The following CCDC33 variants were observed in gnomAD, a reference collection of about 807,000 sequenced individuals.
The protein encoded by CCDC33 is coiled-coil domain containing 33, also known as coiled-coil domain-containing protein 33.
In CCDC33, 94 loss-of-function variants were observed where a neutral mutation model predicts 91.9. The ratio of observed to expected loss-of-function variants is 1.02; its 90% CI spans 0.87 to 1.21. The LOEUF (loss-of-function observed/expected upper bound fraction) is 1.21. CCDC33 is among the 50% of genes most tolerant of loss of function. The pLI is 0.00. For synonymous variants in CCDC33, 396 were observed against 374.5 expected (o/e 1.06, Z -0.66); for missense variants, 940 against 935.5 (o/e 1.00, Z -0.06).
intron 17 of CCDC33, among the ~76,000 whole-genome samples, chr15:74,334,268 G>T (rs139850711): frequency 0.024 from 3,670 of 151,616 alleles, 90 homozygotes; most frequent in African/African-American, 0.086. Flanking sequence ...CCAGGGTTAG[G>T]GTTCAGTGTG....
At chr15:74,281,650 A>G in intron 9 of CCDC33, 128 bp from the exon 10 acceptor site, 2 of 811,046 alleles carry the variant, frequency 2.5e-6, no homozygotes, top group Non-Finnish European at 4.1e-6. Context: ...GCCAGCTCCC[A>G]CCTCCCTCCC....
intron 11 of CCDC33, among the ~76,000 whole-genome samples, chr15:74,328,236 T>G (rs987648372): frequency 3.3e-5 from 5 of 152,268 alleles, no homozygotes; most frequent in Middle Eastern, 3.4e-3. Context: ...CTGGGAGCTC[T>G]GGGGGCAGCA....
intron 1 of CCDC33, chr15:74,207,967 C>T: frequency 7.0e-7 from 1 of 1,432,120 alleles, no homozygotes; most frequent in Non-Finnish European, 9.1e-7. Context: ...TCCTACCTCC[C>T]CTGCCATGTG....
At chr15:74,335,149 AC>A in intron 18 of CCDC33, 61 bp downstream of exon 18, 1 of 1,302,538 alleles carries the variant, frequency 7.7e-7, no homozygotes, top group Non-Finnish European at 1.1e-6. Flanking sequence ...AAGCCACCGC[AC>A]CCCCAAAGTC....
At chr15:74,203,303 G>T in intron 1 of CCDC33, 1 of 706,344 alleles carries the variant, frequency 1.4e-6, no homozygotes, top group Non-Finnish European at 1.7e-6. Context: ...CCACGGGTAG[G>T]CAAGAGGAGC....
At chr15:74,242,216 TG>T (rs2075371382) in intron 1 of CCDC33, among the ~76,000 whole-genome samples, 1 of 152,164 alleles carries the variant, frequency 6.6e-6, no homozygotes, top group Admixed American at 6.5e-5. Context: ...ATCTCCCCAC[TG>T]GGGAAACTGA....
chr15:74,266,651 A>G (rs933482579), intron 3 of CCDC33, 27 bp from the exon 4 acceptor site: 1 of 1,495,900 alleles, frequency 6.7e-7, no homozygotes. Context: ...TTAAAAATAA[A>G]CCTGGGCTCA....
chr15:74,294,955 AAGG>A (rs538190678), intron 10 of CCDC33, among the ~76,000 whole-genome samples: 109 of 152,216 alleles, frequency 7.2e-4, no homozygotes, highest in Admixed American at 3.1e-3. Flanking sequence ...GCCAAGGGAG[AAGG>A]AGGAGAACGG....
rs374414590 is a variant in CCDC33, at chr15:74,257,671, A to C, written c.186-4769A>C. ...CTGCATCAGCCAAACAGCCCCCCTC[A>C]AGCCTCACCTTCTCTCCTCTAAGTG... On this transcript the variant is annotated intron_variant, in intron 2 of 18. Coordinates refer to ENST00000398814, the MANE Select transcript of CCDC33 (RefSeq NM_025055.5). Among the ~76,000 whole-genome samples, 145 of 152,284 alleles carry C rather than the reference A, an allele frequency of 9.5e-4. 3 individuals are homozygous for C. The South Asian group carries it at 0.027, about 28-fold the overall frequency.
rs549064198 is a variant in CCDC33, at chr15:74,335,249, G to A, written c.2139+161G>A. ...TCCCATTCCTGCTCCATTACCAACC[G>A]AAGGCTCGGTCTTAATTCCCCCACC... On this transcript the variant is annotated intron_variant, in intron 18 of 18. Transcript: ENST00000398814. 491 of 741,546 alleles carry A rather than the reference G, an allele frequency of 6.6e-4. 2 individuals are homozygous for A. Among genetic ancestry groups the A allele is most frequent in the Non-Finnish European group, 1.5e-4 (61 of 400,090 alleles). 45.9% of individuals were successfully genotyped at this position (741,546 alleles called of 1,614,324 possible). A position where few individuals can be genotyped will look rare whatever the true frequency, so the allele number is the denominator to read the frequency against.
Position 74,236,588 on chromosome 15 carries a change from T to C in CCDC33, c.-132T>C. On this transcript the variant is annotated 5_prime_UTR_variant, in exon 1 of 19. Coordinates refer to ENST00000398814, the MANE Select transcript of CCDC33 (RefSeq NM_025055.5). ...TGAGACCACATTGACCTCCATACTG[T>C]CTACTACCCATAAGGACTCCAAGAC... 1 of 687,700 alleles carries C rather than the reference T, an allele frequency of 1.5e-6. No individual in the cohort carries two copies. Among genetic ancestry groups the C allele is most frequent in the Non-Finnish European group, 2.5e-6 (1 of 401,904 alleles). The allele number at this position is 687,700 out of a possible 1,614,324, so 42.6% of individuals were successfully genotyped here.
At chr15:74,300,140 T>C (rs1489426589) in intron 11 of CCDC33, 1 of 152,206 alleles carries the variant, frequency 6.6e-6, no homozygotes, top group East Asian at 1.9e-4. Context: ...AATGGGTCAC[T>C]CTTCCATAGC....
rs79305190 is a variant in CCDC33 at position 74,218,831 on chromosome 15, A to G, written c.645A>G (p.Pro215=). ...CTGGCCAGCCAGAACTGATGTCACC[A>G]TGCCCAGAGCCCCAGCTCCCCATAC... Residue 215 remains proline (P), a synonymous_variant, in exon 2 of 3, where the codon CCA becomes CCG. Transcript: ENST00000635913. This position sits in a 1 kb window ranked among gnomAD's most constrained non-coding sequence, Gnocchi z 4.8. 2,049 of 1,261,476 alleles carry G rather than the reference A, an allele frequency of 1.6e-3. 33 individuals are homozygous for G. In the African/African-American group the frequency reaches 0.029, roughly 18 times the overall value. The allele number at this position is 1,261,476 out of a possible 1,614,324, so 78.1% of individuals were successfully genotyped here. A position where few individuals can be genotyped will look rare whatever the true frequency, so the allele number is the denominator to read the frequency against.
intron 15 of CCDC33, 92 bp downstream of exon 15, chr15:74,331,388 C>G (rs896508906): frequency 2.0e-5 from 26 of 1,303,006 alleles, no homozygotes; most frequent in Non-Finnish European, 2.8e-5. Context: ...TCAGGAGAAC[C>G]TGCGAAGAGG....
At position 74,266,794 on chromosome 15, in the gene CCDC33, C is replaced by G; in HGVS notation, c.429+7C>G. The G allele has an allele frequency of 6.2e-7, 1 of 1,604,346 alleles. No homozygotes were observed. Among genetic ancestry groups the G allele is most frequent in the Non-Finnish European group, 8.5e-7 (1 of 1,171,168 alleles). ...CCACTTTGAGCTGGTGAAGGTGAGT[C>G]AGAGGCCTGGGGAAGTGCCGGGAGA... On this transcript the variant is annotated splice_region_variant and intron_variant, in intron 4 of 18. Transcript: ENST00000398814.
chr15:74,298,901 C>G (rs572891432), intron 11 of CCDC33, among the ~76,000 whole-genome samples: 1 of 151,900 alleles, frequency 6.6e-6, no homozygotes, highest in East Asian at 1.9e-4. Flanking sequence ...TTAGTAGAGA[C>G]GGGCTTTCAC....
At chr15:74,330,917 C>A in intron 13 of CCDC33, 64 bp from the exon 14 acceptor site, 1 of 1,546,180 alleles carries the variant, frequency 6.5e-7, no homozygotes. Flanking sequence ...GAGGTGGACC[C>A]TCAGGGCCAA....
At chr15:74,239,835 GGGTACCCCATCACCCCCA>G (rs2075290540) in intron 1 of CCDC33, among the ~76,000 whole-genome samples, 1 of 152,136 alleles carries the variant, frequency 6.6e-6, no homozygotes, top group African/African-American at 2.4e-5. Context: ...GTTACGGGGG[GGGTACCCCATCACCCCCA>G]GTTCCCTACC....
chr15:74,261,117 A>C (rs2076011307), intron 2 of CCDC33, among the ~76,000 whole-genome samples: 1 of 152,112 alleles, frequency 6.6e-6, no homozygotes, highest in African/African-American at 2.4e-5. Flanking sequence ...CCTTCTTACA[A>C]TCACTGTGTC....
Sources: allele counts gnomAD v4.1 joint callset (sites outside exome capture counted in the v4.1 genomes callset), GRCh38; gene constraint gnomAD v4.1.1; non-coding constraint Gnocchi (gnomAD v3.1); transcripts MANE v1.5; gene names NCBI Gene and HGNC (gene_info 2026-07-23, HGNC 2026-07-21).